PAX1: variants seen among roughly 807,000 people sequenced by gnomAD.
PAX1 encodes paired box 1, also known as paired box protein Pax-1.
Under a neutral mutation model 35.6 loss-of-function variants are expected in PAX1, and 18 were observed. The observed-to-expected ratio is 0.50, with a 90% confidence interval of 0.35 to 0.75. The LOEUF (loss-of-function observed/expected upper bound fraction) is 0.75, where lower values mean the gene tolerates loss of function less well. Ranked by LOEUF, PAX1 falls within the 30% of genes least tolerant of loss-of-function variation. The pLI is 0.01. For synonymous variants in PAX1, 397 were observed against 305.2 expected (o/e 1.30, Z -3.14); for missense variants, 760 against 661.5 (o/e 1.15, Z -1.63).
rs778088725 is a variant in PAX1, at chr20:21,706,852, A to T, written c.701A>T (p.Tyr234Phe). ...GGCAGCCTGGCGCAGCCCGGACCGTACGAGGCAAGTAAGCAGCCGCCGTCG... is the reference window on the plus strand; with the variant it reads ...GGCAGCCTGGCGCAGCCCGGACCGTTCGAGGCAAGTAAGCAGCCGCCGTCG... ...KIGSLAQPGP[Y>F]EASKQPPSQP... Residue 234 changes from tyrosine (Y) to phenylalanine (F), a missense_variant, in exon 2 of 5, where the codon TAC becomes TTC. Coordinates refer to ENST00000613128, the MANE Select transcript of PAX1 (RefSeq NM_001257096.2). The surrounding 1 kb of genome is among the most constrained non-coding windows in gnomAD (Gnocchi z 5.3). 5 of 1,613,256 alleles carry T rather than the reference A, an allele frequency of 3.1e-6. No homozygotes were observed. The Admixed American group carries it at 6.7e-5, about 22-fold the overall frequency.
intron 3 of PAX1, 44 bp downstream of exon 3, chr20:21,708,744 A>G: frequency 6.2e-7 from 1 of 1,604,196 alleles, no homozygotes; most frequent in Non-Finnish European, 8.5e-7. Flanking sequence ...GTAGGGAAGC[A>G]GAAGGTTTGG....
Position 21,714,603 on chromosome 20 carries a change from G to T in PAX1, c.*41G>T. ...GACCCGAGCCCGGAGGGAACGGCAG[G>T]CGGACCCGGGCGCACAGGTCTGCGC... On this transcript the variant is annotated 3_prime_UTR_variant, in exon 5 of 5. Coordinates refer to ENST00000613128, the MANE Select transcript of PAX1 (RefSeq NM_001257096.2). The T allele has an allele frequency of 6.4e-7, 1 of 1,556,276 alleles. No individual in the cohort carries two copies.
chr20:21,705,669 C>A lies in PAX1; in HGVS notation c.-44C>A. On this transcript the variant is annotated 5_prime_UTR_variant, in exon 1 of 5. Coordinates refer to ENST00000613128, the MANE Select transcript of PAX1 (RefSeq NM_001257096.2). ...CGTGGAGGACACGTCAAATTGATTC[C>A]CGCACGCTGCAGCCTCCCGGTCAGA... 31 of 1,222,874 alleles carry A rather than the reference C, an allele frequency of 2.5e-5. No individual in the cohort carries two copies. The highest frequency in any genetic ancestry group is 2.9e-5 in the Non-Finnish European group (28 of 971,978). 75.8% of individuals were successfully genotyped at this position (1,222,874 alleles called of 1,614,324 possible).
In PAX1 at chr20:21,705,675, G is replaced by T. The variant is rs1350798001; in HGVS notation, c.-38G>T. On this transcript the variant is annotated 5_prime_UTR_variant, in exon 1 of 5. Coordinates refer to ENST00000613128, the MANE Select transcript of PAX1 (RefSeq NM_001257096.2). ...GGACACGTCAAATTGATTCCCGCAC[G>T]CTGCAGCCTCCCGGTCAGACGAATT... The T allele has an allele frequency of 3.3e-6, 4 of 1,228,136 alleles. No individual in the cohort carries two copies. Among genetic ancestry groups the T allele is most frequent in the Non-Finnish European group, 3.1e-6 (3 of 975,684 alleles). The allele number at this position is 1,228,136 out of a possible 1,614,324, so 76.1% of individuals were successfully genotyped here. A position where few individuals can be genotyped will look rare whatever the true frequency, so the allele number is the denominator to read the frequency against.
chr20:21,711,508 A>G (rs889545045), intron 4 of PAX1, among the ~76,000 whole-genome samples: 1 of 152,256 alleles, frequency 6.6e-6, no homozygotes, highest in Non-Finnish European at 1.5e-5. Context: ...TTTTACCATT[A>G]TATCAGTTTC....
chr20:21,713,746 G>A (rs1985272483), intron 4 of PAX1, among the ~76,000 whole-genome samples: 1 of 152,160 alleles, frequency 6.6e-6, no homozygotes, highest in African/African-American at 2.4e-5. Context: ...ATAGAGTAAG[G>A]CGCAGAATAC....
chr20:21,709,374 CG>C lies in PAX1; in HGVS notation c.1216del (p.Ala406ProfsTer3). 2 of 1,567,276 alleles carry C rather than the reference CG, an allele frequency of 1.3e-6. No individual in the cohort carries two copies. The highest frequency in any genetic ancestry group is 8.6e-7 in the Non-Finnish European group (1 of 1,160,380). On this transcript the variant is annotated frameshift_variant, in exon 4 of 5. Transcript: ENST00000613128. LOFTEE classifies it high-confidence loss of function. ...CGCAAGGTCCTCCTCTGGCGCCCCC[CG>C]GGGCCGGCGTAGCTGTGCATGGCGG... The part of the protein sequence containing the change: ...PAQGPPLAPP[G>X]AGVAVHGGEL...
rs747584250 is a variant in PAX1, at chr20:21,705,942, G to GCCCCGGCCA, written c.247_255dup (p.His83_Gly85dup). 354 of 1,487,340 alleles carry GCCCCGGCCA rather than the reference G, an allele frequency of 2.4e-4. 1 individual carries two copies. The highest frequency in any genetic ancestry group is 1.3e-3 in the East Asian group (50 of 37,612). 92.1% of individuals were successfully genotyped at this position (1,487,340 alleles called of 1,614,324 possible). On this transcript the variant is annotated inframe_insertion, in exon 1 of 5. Coordinates refer to ENST00000613128, the MANE Select transcript of PAX1 (RefSeq NM_001257096.2). ...GCTCTCCCGGACTGCGCCGGGCCCA[G>GCCCCGGCCA]CCCCGGCCACCCCGGCCACCCCGGC...
intron 4 of PAX1, among the ~76,000 whole-genome samples, chr20:21,711,899 T>G (rs2122144726): frequency 6.6e-6 from 1 of 152,356 alleles, no homozygotes; most frequent in South Asian, 2.1e-4. Context: ...TGATCAGTTC[T>G]TAAGAAATTA....
At position 21,706,193 on chromosome 20, in the gene PAX1, T is replaced by C. The variant is rs1180828031; in HGVS notation, c.286+195T>C. On this transcript the variant is annotated intron_variant, in intron 1 of 4. Transcript: ENST00000613128. This position sits in a 1 kb window ranked among gnomAD's most constrained non-coding sequence, Gnocchi z 5.3. ...AAGGGAGTGTTCCAAGTAGACGCGC[T>C]AAAAGTCGCGAAAGGGCACGGAGGG... 9.1e-6 allele frequency: 7 copies of C among 773,356 alleles called. No homozygotes were observed. In the Admixed American group the frequency reaches 1.2e-4, roughly 13 times the overall value. The allele number at this position is 773,356 out of a possible 1,614,324, so 47.9% of individuals were successfully genotyped here. A position where few individuals can be genotyped will look rare whatever the true frequency, so the allele number is the denominator to read the frequency against.
intron 3 of PAX1, among the ~76,000 whole-genome samples, chr20:21,709,012 C>T (rs555872386): frequency 3.2e-4 from 49 of 152,294 alleles, no homozygotes; most frequent in South Asian, 3.1e-3. Flanking sequence ...CCCTTCACAT[C>T]GTTATTTGTA....
At position 21,716,266 on chromosome 20, in the gene PAX1, G is replaced by GT. The variant is rs11481116; in HGVS notation, c.*1713dup. 25,032 of 150,974 alleles carry GT rather than the reference G, an allele frequency of 0.17. 4,522 individuals are homozygous for GT. Among genetic ancestry groups the GT allele is most frequent in the African/African-American group, 0.44 (18,247 of 41,162 alleles). 9.4% of individuals were successfully genotyped at this position (150,974 alleles called of 1,614,324 possible). A position where few individuals can be genotyped will look rare whatever the true frequency, so the allele number is the denominator to read the frequency against. ...ACTACAAAGGGGCTTCCGGCTAATT[G>GT]TTTTTTTTTCCTGCCTCTGTTTGAC... On this transcript the variant is annotated 3_prime_UTR_variant, in exon 5 of 5. Coordinates refer to ENST00000613128, the MANE Select transcript of PAX1 (RefSeq NM_001257096.2).
At position 21,714,986 on chromosome 20, in the gene PAX1, A is replaced by C. The variant is rs1180202875; in HGVS notation, c.*424A>C. 4.4e-5 allele frequency: 28 copies of C among 639,100 alleles called. No individual in the cohort carries two copies. The highest frequency in any genetic ancestry group is 1.0e-4 in the African/African-American group (5 of 47,904). 39.6% of individuals were successfully genotyped at this position (639,100 alleles called of 1,614,324 possible). A position where few individuals can be genotyped will look rare whatever the true frequency, so the allele number is the denominator to read the frequency against. On this transcript the variant is annotated 3_prime_UTR_variant, in exon 5 of 5. Transcript: ENST00000613128. ...CTCTTTCCCTTCCTCCCTACCTTCC[A>C]CCCCGGCTTTCCCCGACCTTCCAGG...
Position 21,718,212 on chromosome 20 carries a change from C to T in PAX1, c.*3650C>T, listed in dbSNP as rs1309349892. ...CAATGGATTGTAATAACTTCCCTGCCAAAGGTAGCTGTTTTTTGGCAAGAA... is the reference window on the plus strand; with the variant it reads ...CAATGGATTGTAATAACTTCCCTGCTAAAGGTAGCTGTTTTTTGGCAAGAA... On this transcript the variant is annotated 3_prime_UTR_variant, in exon 5 of 5. Coordinates refer to ENST00000613128, the MANE Select transcript of PAX1 (RefSeq NM_001257096.2). 5 of 152,116 alleles carry T rather than the reference C, an allele frequency of 3.3e-5. No homozygotes were observed. The highest frequency in any genetic ancestry group is 7.3e-5 in the Non-Finnish European group (5 of 68,028). 9.4% of individuals were successfully genotyped at this position (152,116 alleles called of 1,614,324 possible).
In PAX1 at chr20:21,714,576, C is replaced by A. The variant is rs183464369; in HGVS notation, c.*14C>A. 3.0e-4 allele frequency: 478 copies of A among 1,580,668 alleles called. 2 individuals are homozygous for A. In the African/African-American group the frequency reaches 5.5e-3, roughly 18 times the overall value. ...TCGACCTCCTAGGGGCAGCTCTCCC[C>A]GGACCCGAGCCCGGAGGGAACGGCA... On this transcript the variant is annotated 3_prime_UTR_variant, in exon 5 of 5. Coordinates refer to ENST00000613128, the MANE Select transcript of PAX1 (RefSeq NM_001257096.2).
rs544538204 is a variant in PAX1 at position 21,706,194 on chromosome 20, A to G, written c.286+196A>G. 222 of 770,846 alleles carry G rather than the reference A, an allele frequency of 2.9e-4. No homozygotes were observed. The African/African-American group carries it at 3.3e-3, about 12-fold the overall frequency. 47.8% of individuals were successfully genotyped at this position (770,846 alleles called of 1,614,324 possible). On this transcript the variant is annotated intron_variant, in intron 1 of 4. Coordinates refer to ENST00000613128, the MANE Select transcript of PAX1 (RefSeq NM_001257096.2). The surrounding 1 kb of genome is among the most constrained non-coding windows in gnomAD (Gnocchi z 5.3). ...AGGGAGTGTTCCAAGTAGACGCGCTAAAAGTCGCGAAAGGGCACGGAGGGC... is the reference window on the plus strand; with the variant it reads ...AGGGAGTGTTCCAAGTAGACGCGCTGAAAGTCGCGAAAGGGCACGGAGGGC...
chr20:21,706,010 G>A lies in PAX1; in HGVS notation c.286+12G>A. The A allele has an allele frequency of 1.4e-6, 2 of 1,465,370 alleles. No individual in the cohort carries two copies. Among genetic ancestry groups the A allele is most frequent in the Non-Finnish European group, 1.8e-6 (2 of 1,117,310 alleles). The allele number at this position is 1,465,370 out of a possible 1,614,324, so 90.8% of individuals were successfully genotyped here. ...CCCGCTCGCTATGGGTAAGGGGCGGGCGACAGGCAGGGCTCGGGAGGGCTG... is the reference window on the plus strand; with the variant it reads ...CCCGCTCGCTATGGGTAAGGGGCGGACGACAGGCAGGGCTCGGGAGGGCTG... On this transcript the variant is annotated intron_variant, in intron 1 of 4. Transcript: ENST00000613128. This position sits in a 1 kb window ranked among gnomAD's most constrained non-coding sequence, Gnocchi z 5.3.
rs1349282998 is a variant in PAX1, at chr20:21,706,346, G to A, written c.287-92G>A. 1 of 1,522,314 alleles carries A rather than the reference G, an allele frequency of 6.6e-7. No individual in the cohort carries two copies. The highest frequency in any genetic ancestry group is 9.0e-7 in the Non-Finnish European group (1 of 1,109,234). 94.3% of individuals were successfully genotyped at this position (1,522,314 alleles called of 1,614,324 possible). On this transcript the variant is annotated intron_variant, in intron 1 of 4. Coordinates refer to ENST00000613128, the MANE Select transcript of PAX1 (RefSeq NM_001257096.2). This position sits in a 1 kb window ranked among gnomAD's most constrained non-coding sequence, Gnocchi z 5.3. ...ACAGGTCACCTTTGGAAGTGCGCCT[G>A]GGTGCAGTCCCTCGCTCCGCGTGGG...
In PAX1 at chr20:21,706,648, G is replaced by C. The variant is rs540296842; in HGVS notation, c.497G>C (p.Gly166Ala). ...GGCTCCATTCTGCCCGGGGCCATCG[G>C]GGGGAGCAAGCCCCGCGTCACCACT... is the stretch of plus-strand genomic sequence containing the variant. The part of the protein sequence containing the change: ...ETGSILPGAI[G>A]GSKPRVTTPN... The change falls in exon 2 of 5, where the codon GGG becomes GCG. Residue 166 changes from glycine to alanine, a missense_variant. Gly to Ala is a moderately conservative substitution (Grantham distance 60). This residue lies in a region of PAX1 where 490 missense variants were observed against 428.4 expected (regional missense o/e 1.14). Coordinates refer to ENST00000613128, the MANE Select transcript of PAX1 (RefSeq NM_001257096.2). This position sits in a 1 kb window ranked among gnomAD's most constrained non-coding sequence, Gnocchi z 5.3. 8.1e-6 allele frequency: 13 copies of C among 1,612,256 alleles called. No homozygotes were observed. The highest frequency in any genetic ancestry group is 1.3e-5 in the African/African-American group (1 of 75,064).
Sources: gnomAD v4.1 joint callset for allele counts (sites outside exome capture counted in the v4.1 genomes callset) on GRCh38, gnomAD v4.1.1 for gene constraint, gnomAD v4.1.1 regional missense constraint, Gnocchi (gnomAD v3.1) non-coding constraint, MANE v1.5 for transcripts, NCBI Gene and HGNC (gene_info 2026-07-23, HGNC 2026-07-21) for gene names.